ITPR2: variants seen among roughly 807,000 people sequenced by gnomAD.
ITPR2 encodes inositol 1,4,5-trisphosphate receptor type 2.
A neutral mutation model predicts 317.1 loss-of-function variants in ITPR2; 207 were observed. The ratio of observed to expected loss-of-function variants is 0.65; its 90% confidence interval spans 0.58 to 0.73. The LOEUF (loss-of-function observed/expected upper bound fraction) is 0.73, where lower values mean the gene tolerates loss of function less well. ITPR2 is among the 30% of genes least tolerant of loss of function. The probability of loss-of-function intolerance (pLI) is 0.00; values close to 1 mark genes in which losing one functional copy is unlikely to be tolerated. For missense variants in ITPR2, 2,613 were observed against 3,284.0 expected (o/e 0.80, Z 4.99); for synonymous variants, 1,156 against 1,149.1 (o/e 1.01, Z -0.12).
At chr12:26,796,033 A>G (rs1950435577) in intron 1 of ITPR2, among the ~76,000 whole-genome samples, 1 of 151,996 alleles carries the variant, frequency 6.6e-6, no homozygotes. Context: ...TCAGTTCTGA[A>G]ATGTGGTCTA....
chr12:26,603,780 T>A (rs11048607), intron 26 of ITPR2, among the ~76,000 whole-genome samples: 40,599 of 151,936 alleles, frequency 0.27, 6,815 homozygotes, highest in East Asian at 0.8. Context: ...GAAGAAGAAG[T>A]CACCTTAGCC....
chr12:26,578,634 C>T (rs1945327936), intron 34 of ITPR2, 79 bp downstream of exon 34: 2 of 1,281,684 alleles, frequency 1.6e-6, no homozygotes, highest in Non-Finnish European at 2.2e-6. Flanking sequence ...AATTGGGAAG[C>T]TGCTTGTGTT....
intron 38 of ITPR2, 86 bp downstream of exon 38, chr12:26,495,066 G>T: frequency 2.6e-6 from 2 of 770,792 alleles, no homozygotes; most frequent in Non-Finnish European, 4.6e-6. Flanking sequence ...TTATATATCT[G>T]CCATTTCAGT....
At chr12:26,705,820 T>C (rs1948540267) in intron 9 of ITPR2, among the ~76,000 whole-genome samples, 1 of 152,190 alleles carries the variant, frequency 6.6e-6, no homozygotes, top group Admixed American at 6.5e-5. Context: ...TCACCATTAC[T>C]GAAGCCTCTC....
rs144621478 is a variant in ITPR2, at chr12:26,381,375, T to C, written c.7857+6059A>G. Among the ~76,000 whole-genome samples the C allele has an allele frequency of 9.1e-3, 1,394 of 152,354 alleles. 14 individuals are homozygous for C. The highest frequency in any genetic ancestry group is 0.014 in the Middle Eastern group (4 of 294). ...CATTTATTTATTAATTCACCTATTA[T>C]TTATTCATTCAATAAATGTTTTGAG... On this transcript the variant is annotated intron_variant, in intron 55 of 56. Transcript: ENST00000381340.
intron 13 of ITPR2, among the ~76,000 whole-genome samples, chr12:26,681,223 G>C (rs902191286): frequency 2.0e-5 from 3 of 152,142 alleles, no homozygotes; most frequent in African/African-American, 7.2e-5. Flanking sequence ...TTTCCTTTAT[G>C]TAAAACAGGA....
At chr12:26,656,234 A>T in intron 19 of ITPR2, 63 bp downstream of exon 19, 1 of 1,578,748 alleles carries the variant, frequency 6.3e-7, no homozygotes, top group Non-Finnish European at 8.6e-7. Flanking sequence ...TCAAAACTGT[A>T]GACATTTGAC....
intron 2 of ITPR2, among the ~76,000 whole-genome samples, chr12:26,776,584 G>A (rs560570310): frequency 2.6e-5 from 4 of 152,336 alleles, no homozygotes; most frequent in African/African-American, 9.6e-5. Flanking sequence ...AACTAGGAAT[G>A]GGGATGTATG....
intron 21 of ITPR2, among the ~76,000 whole-genome samples, chr12:26,640,219 T>C (rs1946954012): frequency 6.6e-6 from 1 of 152,188 alleles, no homozygotes; most frequent in Admixed American, 6.5e-5. Flanking sequence ...GTCATTCTCA[T>C]TATTTGTAAA....
In ITPR2 at chr12:26,790,167, C is replaced by T. The variant is rs764111261; in HGVS notation, c.153G>A (p.Lys51=). 8 of 1,612,268 alleles carry T rather than the reference C, an allele frequency of 5.0e-6. No homozygotes were observed. The South Asian group carries it at 6.6e-5, about 13-fold the overall frequency. Residue 51 remains lysine (K), a synonymous_variant, in exon 2 of 57, where the codon AAG becomes AAA. Transcript: ENST00000381340. ...ATATGTATTTCTTACCTCTGAACTT[C>T]TTGGGAGGGTTGGCAAGGTCCCCGG... ...PEAGDLANPP[K]KFRDCLFKVC...
intron 45 of ITPR2, among the ~76,000 whole-genome samples, chr12:26,465,450 C>G (rs1338564808): frequency 6.6e-6 from 1 of 152,116 alleles, no homozygotes; most frequent in Admixed American, 6.6e-5. Flanking sequence ...CAATTATATA[C>G]AATCTTTTGA....
At chr12:26,751,737 G>A (rs1399967210) in intron 2 of ITPR2, among the ~76,000 whole-genome samples, 2 of 151,930 alleles carry the variant, frequency 1.3e-5, no homozygotes, top group Non-Finnish European at 2.9e-5. Flanking sequence ...GTGGTGGTGG[G>A]CGCCTGTAGT....
intron 2 of ITPR2, among the ~76,000 whole-genome samples, chr12:26,732,871 C>T (rs1227838701): frequency 6.6e-6 from 1 of 152,176 alleles, no homozygotes; most frequent in African/African-American, 2.4e-5. Flanking sequence ...CTGACTTCTC[C>T]ACCCCAACTT....
chr12:26,718,509 A>C (rs1429534213), intron 5 of ITPR2, among the ~76,000 whole-genome samples: 1 of 150,328 alleles, frequency 6.7e-6, no homozygotes, highest in South Asian at 2.1e-4. Flanking sequence ...AAAACTGTAT[A>C]TATATATAAG....
intron 1 of ITPR2, among the ~76,000 whole-genome samples, chr12:26,815,950 G>A (rs536309245): frequency 2.6e-4 from 39 of 151,932 alleles, no homozygotes; most frequent in African/African-American, 3.6e-4. Flanking sequence ...AAAATTAGCC[G>A]GGCGTGGTGG....
chr12:26,490,016 G>A (rs530518677), intron 39 of ITPR2, among the ~76,000 whole-genome samples: 1 of 152,314 alleles, frequency 6.6e-6, no homozygotes, highest in East Asian at 1.9e-4. Context: ...TATACAATGT[G>A]AGACATCCGA....
Position 26,376,474 on chromosome 12 carries a change from A to G in ITPR2, c.7857+10960T>C, listed in dbSNP as rs76145775. ...TTTTCATAGCCATCATTTCTTTTCA[A>G]TTTCCAGTGGCATTTCCTTAGTACC... On this transcript the variant is annotated intron_variant, in intron 55 of 56. Coordinates refer to ENST00000381340, the MANE Select transcript of ITPR2 (RefSeq NM_002223.4). Among the ~76,000 whole-genome samples, 670 of 152,158 alleles carry G rather than the reference A, an allele frequency of 4.4e-3. 7 individuals carry two copies. Among genetic ancestry groups the G allele is most frequent in the African/African-American group, 0.015 (630 of 41,516 alleles).
At chr12:26,349,527 T>C (rs1938413946) in intron 55 of ITPR2, among the ~76,000 whole-genome samples, 1 of 152,256 alleles carries the variant, frequency 6.6e-6, no homozygotes, top group African/African-American at 2.4e-5. Flanking sequence ...CCTTGAAATA[T>C]TGCTCAAATC....
chr12:26,411,419 A>G lies in ITPR2; in HGVS notation c.7307-7T>C. Reference sequence around the variant, plus strand: ...GTAGGCACTTGATGACTGCCTAAGAAAATACAAAGTAGTATATAATATAGA... The same window carrying G: ...GTAGGCACTTGATGACTGCCTAAGAGAATACAAAGTAGTATATAATATAGA... On this transcript the variant is annotated splice_polypyrimidine_tract_variant and splice_region_variant and intron_variant, in intron 51 of 56. Coordinates refer to ENST00000381340, the MANE Select transcript of ITPR2 (RefSeq NM_002223.4). 3 of 1,587,292 alleles carry G rather than the reference A, an allele frequency of 1.9e-6. No homozygotes were observed. The highest frequency in any genetic ancestry group is 2.6e-6 in the Non-Finnish European group (3 of 1,156,050).
Sources: gnomAD v4.1 joint callset for allele counts (sites outside exome capture counted in the v4.1 genomes callset) on GRCh38, gnomAD v4.1.1 for gene constraint, MANE v1.5 for transcripts, NCBI Gene and HGNC (gene_info 2026-07-23, HGNC 2026-07-21) for gene names.